Variants in CCDC172 observed in about 807,000 individuals in gnomAD.
CCDC172 encodes coiled-coil domain-containing protein 172.
CCDC172 carries 30 observed loss-of-function variants against 38.0 expected under a neutral mutation model. The ratio of observed to expected loss-of-function variants is 0.79; its 90% CI spans 0.59 to 1.07. The LOEUF is 1.07. Ranked by LOEUF, CCDC172 falls within the 50% of genes least tolerant of loss-of-function variation. CCDC172 has a pLI of 0.00. For missense variants in CCDC172, 297 were observed against 290.1 expected, an observed-to-expected ratio of 1.02 and a Z score of -0.17; for synonymous variants, 78 against 88.3, an observed-to-expected ratio of 0.88 and a Z score of 0.66.
chr10:116,344,797 AT>A (rs1164223508), intron 5 of CCDC172, among the ~76,000 whole-genome samples: 2 of 151,300 alleles, frequency 1.3e-5, no homozygotes, highest in Non-Finnish European at 2.9e-5. Context: ...TATACAAAAA[AT>A]TTTTTTCTTT....
chr10:116,377,719 A>ATT (rs142380148), intron 7 of CCDC172, among the ~76,000 whole-genome samples: 10 of 151,110 alleles, frequency 6.6e-5, no homozygotes, highest in Non-Finnish European at 1.2e-4. Context: ...CTCAAGGGTC[A>ATT]TTTTTTTTTC....
At chr10:116,360,303 T>G (rs1845047135) in intron 7 of CCDC172, among the ~76,000 whole-genome samples, 1 of 152,182 alleles carries the variant, frequency 6.6e-6, no homozygotes, top group Admixed American at 6.5e-5. Context: ...TAAACCCTTT[T>G]GAAACCCAGC....
In CCDC172 at chr10:116,324,924, ATCT is replaced by A; in HGVS notation, c.-65-18_-65-16del. 1 of 1,059,486 alleles carries A rather than the reference ATCT, an allele frequency of 9.4e-7. No individual in the cohort carries two copies. Among genetic ancestry groups the A allele is most frequent in the Non-Finnish European group, 1.4e-6 (1 of 690,866 alleles). The allele number at this position is 1,059,486 out of a possible 1,614,324, so 65.6% of individuals were successfully genotyped here. On this transcript the variant is annotated intron_variant, in intron 1 of 8. Transcript: ENST00000333254. ...TCTGGGAATGGTTCTAGAAGAATCC[ATCT>A]TCTTTATTCTGCTTTCCAGGATCCT...
chr10:116,348,605 C>T (rs191487825), intron 5 of CCDC172, among the ~76,000 whole-genome samples: 1 of 152,132 alleles, frequency 6.6e-6, no homozygotes, highest in African/African-American at 2.4e-5. Flanking sequence ...ATGTGAACAT[C>T]CATTTTTAAA....
intron 3 of CCDC172, among the ~76,000 whole-genome samples, chr10:116,326,605 A>G (rs1278740051): frequency 6.6e-6 from 1 of 152,306 alleles, no homozygotes; most frequent in Admixed American, 6.5e-5. Flanking sequence ...TTATTTATAC[A>G]ATATTTATTA....
At chr10:116,361,532 C>T (rs2134956239) in intron 7 of CCDC172, among the ~76,000 whole-genome samples, 1 of 152,250 alleles carries the variant, frequency 6.6e-6, no homozygotes, top group African/African-American at 2.4e-5. Context: ...GATTTTCATT[C>T]TGAGCACTTA....
intron 5 of CCDC172, among the ~76,000 whole-genome samples, chr10:116,357,022 C>G (rs538947969): frequency 6.6e-6 from 1 of 152,164 alleles, no homozygotes; most frequent in South Asian, 2.1e-4. Flanking sequence ...CATGAGAAAA[C>G]GTTAATAATT....
intron 7 of CCDC172, among the ~76,000 whole-genome samples, chr10:116,359,320 T>C (rs971152006): frequency 6.6e-6 from 1 of 152,226 alleles, no homozygotes; most frequent in Non-Finnish European, 1.5e-5. Flanking sequence ...GATGTTGTTA[T>C]TGAATTTTGG....
rs1437844065 is a variant in CCDC172 at position 116,325,017 on chromosome 10, C to T, written c.6C>T (p.Ser2=). 2 of 1,614,062 alleles carry T rather than the reference C, an allele frequency of 1.2e-6. No homozygotes were observed. Among genetic ancestry groups the T allele is most frequent in the Non-Finnish European group, 1.7e-6 (2 of 1,179,962 alleles). Residue 2 remains serine, a synonymous_variant, in exon 2 of 9, where the codon AGC becomes AGT. Coordinates refer to ENST00000333254, the MANE Select transcript of CCDC172 (RefSeq NM_198515.3). ...CGCAGGAGCCAGGCCCTGAGATGAG[C>T]TTGGAGTCCCTGTTTCAGCACATCA... M[S]LESLFQHIIF... is the part of the protein sequence containing the mutation.
chr10:116,362,370 T>C (rs1407744962), intron 7 of CCDC172, among the ~76,000 whole-genome samples: 3 of 152,230 alleles, frequency 2.0e-5, no homozygotes, highest in African/African-American at 2.4e-5. Flanking sequence ...CTTCATTCTT[T>C]TTCATGCTAT....
chr10:116,347,695 T>TGTTCTAAA (rs1844883967), intron 5 of CCDC172, among the ~76,000 whole-genome samples: 1 of 152,144 alleles, frequency 6.6e-6, no homozygotes, highest in Non-Finnish European at 1.5e-5. Flanking sequence ...ATATCATCAC[T>TGTTCTAAA]ATTATATAAC....
chr10:116,325,003 G>C lies in CCDC172; in HGVS notation c.-9G>C. On this transcript the variant is annotated 5_prime_UTR_variant, in exon 2 of 9. Transcript: ENST00000333254. ...GGCGAGAAAAGGATCGCAGGAGCCA[G>C]GCCCTGAGATGAGCTTGGAGTCCCT... The C allele has an allele frequency of 1.2e-6, 2 of 1,612,838 alleles. No individual in the cohort carries two copies. Among genetic ancestry groups the C allele is most frequent in the Non-Finnish European group, 1.7e-6 (2 of 1,178,860 alleles).
chr10:116,372,518 T>C (rs1241304010), intron 7 of CCDC172, among the ~76,000 whole-genome samples: 1 of 152,126 alleles, frequency 6.6e-6, no homozygotes, highest in Non-Finnish European at 1.5e-5. Flanking sequence ...CTTTTTCCAA[T>C]ATGTCGTACA....
rs1053072664 is a variant in CCDC172, at chr10:116,325,019, T to C, written c.8T>C (p.Leu3Ser). MS[L>S]ESLFQHIIFT... is the part of the protein sequence containing the mutation. The stretch of plus-strand genomic sequence containing the variant: ...CAGGAGCCAGGCCCTGAGATGAGCT[T>C]GGAGTCCCTGTTTCAGCACATCATC... Residue 3 changes from leucine (L) to serine (S), a missense_variant, in exon 2 of 9, where the codon TTG (leucine) becomes TCG (serine). Physicochemically the swap from Leu to Ser is moderately radical, Grantham distance 145. Coordinates refer to ENST00000333254, the MANE Select transcript of CCDC172 (RefSeq NM_198515.3). The C allele has an allele frequency of 6.2e-7, 1 of 1,614,038 alleles. No homozygotes were observed. The highest frequency in any genetic ancestry group is 8.5e-7 in the Non-Finnish European group (1 of 1,179,922).
chr10:116,374,387 AT>A (rs1428332100), intron 7 of CCDC172, among the ~76,000 whole-genome samples: 1 of 152,194 alleles, frequency 6.6e-6, no homozygotes, highest in Non-Finnish European at 1.5e-5. Flanking sequence ...CCACATTCAT[AT>A]AACTTTTAGT....
At chr10:116,377,097 T>G (rs545977882) in intron 7 of CCDC172, among the ~76,000 whole-genome samples, 2 of 152,292 alleles carry the variant, frequency 1.3e-5, no homozygotes, top group South Asian at 4.1e-4. Flanking sequence ...GATGAGTTAT[T>G]GGGTGCAGCA....
intron 7 of CCDC172, among the ~76,000 whole-genome samples, chr10:116,363,721 G>C (rs1845090391): frequency 6.6e-6 from 1 of 152,048 alleles, no homozygotes; most frequent in South Asian, 2.1e-4. Context: ...TGGATCACCT[G>C]AGGTAAGGAG....
chr10:116,353,055 T>C (rs964017919), intron 5 of CCDC172, among the ~76,000 whole-genome samples: 1 of 151,940 alleles, frequency 6.6e-6, no homozygotes, highest in African/African-American at 2.4e-5. Context: ...TAGCCGGGCA[T>C]GGTGGTGGGC....
At chr10:116,376,041 T>G (rs1845240239) in intron 7 of CCDC172, among the ~76,000 whole-genome samples, 1 of 152,214 alleles carries the variant, frequency 6.6e-6, no homozygotes, top group South Asian at 2.1e-4. Context: ...CCCAAAGGAT[T>G]ATAAATCATT....
Sources: allele counts gnomAD v4.1 joint callset (sites outside exome capture counted in the v4.1 genomes callset), GRCh38; gene constraint gnomAD v4.1.1; transcripts MANE v1.5; gene names NCBI Gene and HGNC (gene_info 2026-07-23, HGNC 2026-07-21).